The following TRMT10B variants were observed in gnomAD, a reference collection of about 807,000 sequenced individuals.
The protein encoded by TRMT10B is tRNA methyltransferase 10B, also known as tRNA methyltransferase 10 homolog B.
In TRMT10B, 33 loss-of-function variants were observed where a neutral mutation model predicts 43.8. The observed-to-expected ratio is 0.75, with a 90% CI of 0.57 to 1.01. The LOEUF is 1.01. Among genes scored for constraint, TRMT10B ranks in the 50% least tolerant of loss-of-function variants. The pLI is 0.00. For synonymous variants in TRMT10B, 137 were observed against 130.6 expected (o/e 1.05, Z -0.34); for missense variants, 362 against 369.8 (o/e 0.98, Z 0.17).
At chr9:37,762,747 T>C (rs1826501607) in intron 3 of TRMT10B, 62 bp downstream of exon 3, 2 of 1,499,942 alleles carry the variant, frequency 1.3e-6, no homozygotes, top group Admixed American at 2.4e-5. Context: ...TGTCTGCATG[T>C]TCCAATGAGA....
chr9:37,754,827 A>G (rs749751208), intron 1 of TRMT10B, among the ~76,000 whole-genome samples: 1 of 152,230 alleles, frequency 6.6e-6, no homozygotes, highest in Admixed American at 6.5e-5. Flanking sequence ...TGAAAAATAA[A>G]TGAAATCTCA....
At chr9:37,755,763 G>A (rs955964515) in intron 1 of TRMT10B, among the ~76,000 whole-genome samples, 3 of 152,288 alleles carry the variant, frequency 2.0e-5, no homozygotes, top group South Asian at 2.1e-4. Context: ...GGAGAAACAT[G>A]AGGTAAAAGG....
At chr9:37,773,915 C>T (rs1424807398) in intron 7 of TRMT10B, among the ~76,000 whole-genome samples, 1 of 146,412 alleles carries the variant, frequency 6.8e-6, no homozygotes, top group African/African-American at 2.5e-5. Flanking sequence ...CACACCACTG[C>T]ACTTCAGCCT....
upstream of TRMT10B, among the ~76,000 whole-genome samples, chr9:37,753,456 C>T (rs957262774): frequency 9.9e-5 from 15 of 152,234 alleles, no homozygotes; most frequent in African/African-American, 3.4e-4. Context: ...TTTCCTTCGG[C>T]AGAGAGGGAG....
At chr9:37,753,160 C>G (rs1011044320), upstream of TRMT10B, among the ~76,000 whole-genome samples, 1 of 151,760 alleles carries the variant, frequency 6.6e-6, no homozygotes, top group African/African-American at 2.4e-5. Context: ...GCTAGCGAGA[C>G]CATGAACCCG....
intron 1 of TRMT10B, among the ~76,000 whole-genome samples, chr9:37,754,150 C>T (rs1031977447): frequency 3.3e-5 from 5 of 152,196 alleles, no homozygotes; most frequent in East Asian, 3.9e-4. Flanking sequence ...AGGCCTCTGC[C>T]AACCTAGGGT....
chr9:37,758,096 A>T (rs1386651415), intron 1 of TRMT10B, among the ~76,000 whole-genome samples: 1 of 152,204 alleles, frequency 6.6e-6, no homozygotes, highest in African/African-American at 2.4e-5. Context: ...TACAGTGAAT[A>T]ATATTTATGG....
intron 1 of TRMT10B, among the ~76,000 whole-genome samples, chr9:37,755,827 TAAAC>T (rs1049831245): frequency 6.6e-6 from 1 of 152,106 alleles, no homozygotes; most frequent in Non-Finnish European, 1.5e-5. Flanking sequence ...TCAGTTCAAT[TAAAC>T]AAAAAATAAA....
At chr9:37,777,549 C>G in intron 8 of TRMT10B, 52 bp from the exon 9 acceptor site, 1 of 1,393,948 alleles carries the variant, frequency 7.2e-7, no homozygotes. Flanking sequence ...TTCATTTACT[C>G]GTTCTTTTTT....
intron 7 of TRMT10B, among the ~76,000 whole-genome samples, chr9:37,773,461 TAAC>T (rs1390095532): frequency 3.3e-5 from 5 of 152,126 alleles, no homozygotes; most frequent in Admixed American, 2.6e-4. Context: ...AGCAACATAT[TAAC>T]AACTGGTGAG....
chr9:37,764,878 G>A (rs1826814352), intron 4 of TRMT10B, among the ~76,000 whole-genome samples: 1 of 152,138 alleles, frequency 6.6e-6, no homozygotes, highest in Non-Finnish European at 1.5e-5. Flanking sequence ...CAGCCCAGGG[G>A]AGGAAGATAC....
chr9:37,758,961 G>C (rs1282937656), intron 1 of TRMT10B, among the ~76,000 whole-genome samples: 2 of 152,206 alleles, frequency 1.3e-5, no homozygotes, highest in Non-Finnish European at 2.9e-5. Context: ...AGCAGGGAGG[G>C]AGTGGTGTAG....
At chr9:37,761,421 G>A (rs530328087) in intron 1 of TRMT10B, among the ~76,000 whole-genome samples, 4 of 152,170 alleles carry the variant, frequency 2.6e-5, no homozygotes, top group South Asian at 2.1e-4. Flanking sequence ...ATCTGGGGCT[G>A]GGTGCAGTGG....
rs1022363540 is a variant in TRMT10B at position 37,778,146 on chromosome 9, G to T, written c.*439G>T. The T allele has an allele frequency of 6.2e-6, 1 of 162,580 alleles. No homozygotes were observed. The highest frequency in any genetic ancestry group is 2.4e-5 in the African/African-American group (1 of 41,550). The allele number at this position is 162,580 out of a possible 1,614,324, so 10.1% of individuals were successfully genotyped here. A position where few individuals can be genotyped will look rare whatever the true frequency, so the allele number is the denominator to read the frequency against. ...CATCTTCTCAGAGCTTCACAATAAT[G>T]TCAGGGACCACATTTAATGCTTTTT... On this transcript the variant is annotated 3_prime_UTR_variant, in exon 9 of 9. Coordinates refer to ENST00000297994, the MANE Select transcript of TRMT10B (RefSeq NM_144964.4).
At chr9:37,752,937 G>T (rs182989011), upstream of TRMT10B, among the ~76,000 whole-genome samples, 6 of 152,144 alleles carry the variant, frequency 3.9e-5, no homozygotes, top group African/African-American at 7.2e-5. Context: ...GACTGTGGGT[G>T]CTTTGTTCTT....
At position 37,778,012 on chromosome 9, in the gene TRMT10B, A is replaced by T. The variant is rs539599418; in HGVS notation, c.*305A>T. 4.5e-4 allele frequency: 95 copies of T among 212,312 alleles called. 3 individuals are homozygous for T. Among genetic ancestry groups the T allele is most frequent in the South Asian group, 1.9e-3 (25 of 13,088 alleles). 13.2% of individuals were successfully genotyped at this position (212,312 alleles called of 1,614,324 possible). On this transcript the variant is annotated 3_prime_UTR_variant, in exon 9 of 9. Transcript: ENST00000297994. ...AGAGCAAGACTCCATCTCAAAAAAA[A>T]AATAAATAAAAAAAAATGCAGCTGC...
chr9:37,775,249 G>A (rs1459656289), intron 7 of TRMT10B, among the ~76,000 whole-genome samples: 1 of 152,206 alleles, frequency 6.6e-6, no homozygotes, highest in Non-Finnish European at 1.5e-5. Context: ...TGAATGGGTG[G>A]TTAGAGTGAT....
intron 7 of TRMT10B, among the ~76,000 whole-genome samples, chr9:37,774,254 A>ACC (rs1827898594): frequency 6.6e-6 from 1 of 151,888 alleles, no homozygotes; most frequent in African/African-American, 2.4e-5. Flanking sequence ...CACCTGCCTC[A>ACC]CCCTCCCAAA....
At chr9:37,754,518 C>G (rs1825395979) in intron 1 of TRMT10B, among the ~76,000 whole-genome samples, 1 of 152,094 alleles carries the variant, frequency 6.6e-6, no homozygotes, top group Admixed American at 6.6e-5. Context: ...GGGTTCTAAG[C>G]AGAAGAGTGG....
Sources: allele counts gnomAD v4.1 joint callset (sites outside exome capture counted in the v4.1 genomes callset), GRCh38; gene constraint gnomAD v4.1.1; transcripts MANE v1.5; gene names NCBI Gene and HGNC (gene_info 2026-07-23, HGNC 2026-07-21).